DNAH10: variants seen among roughly 807,000 people sequenced by gnomAD.
DNAH10 encodes axonemal beta dynein heavy chain 10.
In DNAH10, 348 loss-of-function variants were observed where a neutral mutation model predicts 506.6. The observed-to-expected ratio is 0.69, with a 90% confidence interval of 0.63 to 0.75. The LOEUF (loss-of-function observed/expected upper bound fraction) is 0.75, where lower values mean the gene tolerates loss of function less well. DNAH10 is among the 30% of genes least tolerant of loss of function. DNAH10 has a pLI of 0.00. For synonymous variants in DNAH10, 2,059 were observed against 2,198.6 expected (o/e 0.94, Z 1.78); for missense variants, 5,179 against 5,787.1 (o/e 0.89, Z 3.41).
At position 123,925,334 on chromosome 12, in the gene DNAH10, A is replaced by T. The variant is rs779505766; in HGVS notation, c.11921+130A>T. 30 of 1,186,824 alleles carry T rather than the reference A, an allele frequency of 2.5e-5. No homozygotes were observed. The highest frequency in any genetic ancestry group is 3.3e-5 in the Non-Finnish European group (28 of 844,508). 73.5% of individuals were successfully genotyped at this position (1,186,824 alleles called of 1,614,324 possible). On this transcript the variant is annotated intron_variant, in intron 68 of 78. Coordinates refer to ENST00000673944, the MANE Select transcript of DNAH10 (RefSeq NM_001372106.1). This position sits in a 1 kb window ranked among gnomAD's most constrained non-coding sequence, Gnocchi z 4.0. ...AGCTGTCGCCACCCTGCTGTACAAT[A>T]TTCGATAGCCGATATTCTAGAATTC...
At chr12:123,921,186 C>T (rs966948674) in intron 65 of DNAH10, among the ~76,000 whole-genome samples, 2 of 152,154 alleles carry the variant, frequency 1.3e-5, no homozygotes, top group African/African-American at 4.8e-5. Flanking sequence ...TCTCAAATGC[C>T]AATACATGTA....
chr12:123,886,013 G>A (rs1437050044), intron 51 of DNAH10, among the ~76,000 whole-genome samples: 1 of 152,000 alleles, frequency 6.6e-6, no homozygotes, highest in Non-Finnish European at 1.5e-5. Flanking sequence ...TGAGGTATTT[G>A]TAAAAAAGGG....
At position 123,886,116 on chromosome 12, in the gene DNAH10, C is replaced by T. The variant is rs562685367; in HGVS notation, c.8824-1026C>T. Among the ~76,000 whole-genome samples the T allele has an allele frequency of 4.6e-5, 7 of 152,178 alleles. No homozygotes were observed. In the South Asian group the frequency reaches 1.2e-3, roughly 27 times the overall value. The stretch of plus-strand genomic sequence containing the variant: ...AATATAACTGTTTGCAATTGTTTTC[C>T]ACATTTTTCTATAGGACAAGGCATT... On this transcript the variant is annotated intron_variant, in intron 51 of 78. Coordinates refer to ENST00000673944, the MANE Select transcript of DNAH10 (RefSeq NM_001372106.1).
At chr12:123,775,171 A>G (rs557989104) in intron 5 of DNAH10, among the ~76,000 whole-genome samples, 1 of 152,258 alleles carries the variant, frequency 6.6e-6, no homozygotes, top group South Asian at 2.1e-4. Context: ...TCTGGAGTGC[A>G]GTGGCCCAAT....
At chr12:123,786,384 C>T (rs1957853355) in intron 9 of DNAH10, among the ~76,000 whole-genome samples, 1 of 149,838 alleles carries the variant, frequency 6.7e-6, no homozygotes, top group African/African-American at 2.4e-5. Context: ...CAGCCGTAAC[C>T]ACTATCAATG....
intron 20 of DNAH10, 52 bp from the exon 21 acceptor site, chr12:123,813,702 C>T: frequency 6.2e-7 from 1 of 1,612,588 alleles, no homozygotes; most frequent in South Asian, 1.1e-5. Flanking sequence ...TCATTTGCGC[C>T]ATTACTGTTT....
rs1394152313 is a variant in DNAH10, at chr12:123,902,450, G to A, written c.9641-489G>A. On this transcript the variant is annotated intron_variant, in intron 56 of 78. Coordinates refer to ENST00000673944, the MANE Select transcript of DNAH10 (RefSeq NM_001372106.1). This position sits in a 1 kb window ranked among gnomAD's most constrained non-coding sequence, Gnocchi z 4.5. ...CAGCCAGTGGTGAAATGAAACTTCC[G>A]ATTGCGATTGGTGTCATGAAGCAAG... Among the ~76,000 whole-genome samples, 3 of 152,176 alleles carry A rather than the reference G, an allele frequency of 2.0e-5. No homozygotes were observed. Among genetic ancestry groups the A allele is most frequent in the African/African-American group, 4.8e-5 (2 of 41,450 alleles).
At chr12:123,768,980 T>C (rs111373806) in intron 2 of DNAH10, among the ~76,000 whole-genome samples, 9,019 of 152,054 alleles carry the variant, frequency 0.059, 775 homozygotes, top group African/African-American at 0.18. Flanking sequence ...CTCAGGCAGT[T>C]CTCCCACCTC....
At chr12:123,837,018 A>G (rs1192496925) in intron 28 of DNAH10, among the ~76,000 whole-genome samples, 1 of 151,570 alleles carries the variant, frequency 6.6e-6, no homozygotes, top group Non-Finnish European at 1.5e-5. Context: ...CGCCCGGCTA[A>G]TTTTTTGTAT....
chr12:123,771,057 C>T (rs548531892), intron 2 of DNAH10, among the ~76,000 whole-genome samples: 8 of 147,782 alleles, frequency 5.4e-5, no homozygotes, highest in African/African-American at 2.0e-4. Flanking sequence ...GCAACCTCTA[C>T]CTCCTGGCCT....
Position 123,916,142 on chromosome 12 carries a change from C to T in DNAH10, c.10723-315C>T, listed in dbSNP as rs1954467592. Among the ~76,000 whole-genome samples, 1 of 152,156 alleles carries T rather than the reference C, an allele frequency of 6.6e-6. No individual in the cohort carries two copies. The highest frequency in any genetic ancestry group is 2.1e-4 in the South Asian group (1 of 4,826). ...TCTTCCCTCAGCCTGCCAGGGAGCA[C>T]TGAAATTGTCAGCCTACCCCTAGTC... On this transcript the variant is annotated intron_variant, in intron 62 of 78. Coordinates refer to ENST00000673944, the MANE Select transcript of DNAH10 (RefSeq NM_001372106.1). The surrounding 1 kb of genome is among the most constrained non-coding windows in gnomAD (Gnocchi z 4.6).
At position 123,896,146 on chromosome 12, in the gene DNAH10, C is replaced by G. The variant is rs1052176930; in HGVS notation, c.9280+1423C>G. The stretch of plus-strand genomic sequence containing the variant: ...ACACACACACACACACACACACACA[C>G]ACAGAGAGAGAGAGAGAGAGAGAGA... On this transcript the variant is annotated intron_variant, in intron 54 of 78. Coordinates refer to ENST00000673944, the MANE Select transcript of DNAH10 (RefSeq NM_001372106.1). Among the ~76,000 whole-genome samples the G allele has an allele frequency of 9.3e-3, 944 of 102,050 alleles. 9 individuals are homozygous for G. The highest frequency in any genetic ancestry group is 0.043 in the African/African-American group (831 of 19,260). The allele number at this position is 102,050 out of a possible 152,430, so 66.9% of individuals were successfully genotyped here.
intron 58 of DNAH10, 118 bp from the exon 59 acceptor site, chr12:123,910,418 G>A: frequency 7.6e-7 from 1 of 1,317,928 alleles, no homozygotes; most frequent in Non-Finnish European, 1.1e-6. Context: ...GGAGAGCTTT[G>A]TGCATTCTGC....
In DNAH10 at chr12:123,877,882, T is replaced by C. The variant is rs372625662; in HGVS notation, c.8346T>C (p.Asn2782=). Residue 2782 remains asparagine (N), a synonymous_variant, in exon 48 of 79, where the codon AAT becomes AAC. Coordinates refer to ENST00000673944, the MANE Select transcript of DNAH10 (RefSeq NM_001372106.1). The stretch of plus-strand genomic sequence containing the variant: ...TTCGAGATCTCTCACGGGTTTTTAA[T>C]GGTCTTGTCCTCACTAACCCGGAGC... ...FNLRDLSRVF[N]GLVLTNPERF... is the part of the protein sequence containing the mutation. 3.1e-6 allele frequency: 5 copies of C among 1,614,068 alleles called. No individual in the cohort carries two copies. Among genetic ancestry groups the C allele is most frequent in the Admixed American group, 1.7e-5 (1 of 60,024 alleles).
At chr12:123,884,236 T>A (rs1180390738) in intron 51 of DNAH10, among the ~76,000 whole-genome samples, 1 of 152,224 alleles carries the variant, frequency 6.6e-6, no homozygotes, top group Non-Finnish European at 1.5e-5. Context: ...GGTTTCGCCA[T>A]GTTGGCCAGG....
In DNAH10 at chr12:123,928,490, T is replaced by C. The variant is rs535995192; in HGVS notation, c.12209T>C (p.Leu4070Pro). Reference protein sequence around the residue: ...VKWLKDLEKSLERITKPHPDF... With the variant: ...VKWLKDLEKSPERITKPHPDF... ...TGGCTGAAAGATCTGGAGAAGTCCC[T>C]GGAGAGGATCACCAAGCCCCACCCA... Residue 4070 changes from leucine (L) to proline (P), a missense_variant, in exon 70 of 79, where the codon CTG becomes CCG. Coordinates refer to ENST00000673944, the MANE Select transcript of DNAH10 (RefSeq NM_001372106.1). The surrounding 1 kb of genome is among the most constrained non-coding windows in gnomAD (Gnocchi z 4.9). The C allele has an allele frequency of 5.0e-6, 8 of 1,611,420 alleles. No homozygotes were observed. The East Asian group carries it at 1.8e-4, about 36-fold the overall frequency.
intron 17 of DNAH10, among the ~76,000 whole-genome samples, 197 bp downstream of exon 17, chr12:123,804,022 A>C (rs952941988): frequency 3.3e-5 from 5 of 152,062 alleles, no homozygotes; most frequent in African/African-American, 1.2e-4. Flanking sequence ...CATGTTTTAT[A>C]TATTGCTTAG....
chr12:123,814,588 A>G (rs1445393292), intron 21 of DNAH10, among the ~76,000 whole-genome samples: 1 of 140,274 alleles, frequency 7.1e-6, no homozygotes, highest in African/African-American at 2.7e-5. Flanking sequence ...TCTAGTTTGT[A>G]TTTCTCCCTT....
intron 51 of DNAH10, 63 bp downstream of exon 51, chr12:123,881,876 T>C: frequency 7.2e-7 from 1 of 1,387,860 alleles, no homozygotes; most frequent in Non-Finnish European, 9.5e-7. Flanking sequence ...TGGTAGTTCG[T>C]GTACATATTG....
Sources: gnomAD v4.1 joint callset for allele counts (sites outside exome capture counted in the v4.1 genomes callset) on GRCh38, gnomAD v4.1.1 for gene constraint, Gnocchi (gnomAD v3.1) non-coding constraint, MANE v1.5 for transcripts, NCBI Gene and HGNC (gene_info 2026-07-23, HGNC 2026-07-21) for gene names.